The following KRIT1 variants were observed in gnomAD, a reference collection of about 807,000 sequenced individuals.
KRIT1 encodes KRIT1 ankyrin repeat containing, also known as krev interaction trapped protein 1.
In KRIT1, 45 loss-of-function variants were observed where a neutral mutation model predicts 95.8. The ratio of observed to expected loss-of-function variants is 0.47; its 90% CI spans 0.37 to 0.60. The LOEUF (loss-of-function observed/expected upper bound fraction) is 0.60. KRIT1 is among the 20% of genes least tolerant of loss of function. The pLI, the probability that KRIT1 is intolerant of heterozygous loss-of-function variation, is 0.00. For missense variants in KRIT1, 788 were observed against 877.5 expected (o/e 0.90, Z 1.29); for synonymous variants, 282 against 278.8 (o/e 1.01, Z -0.11).
At chr7:92,233,280 G>T (rs928935447) in intron 10 of KRIT1, among the ~76,000 whole-genome samples, 5 of 151,844 alleles carry the variant, frequency 3.3e-5, no homozygotes, top group Admixed American at 1.3e-4. Flanking sequence ...AGAAACTCTA[G>T]AAATGATCTA....
intron 13 of KRIT1, among the ~76,000 whole-genome samples, chr7:92,222,389 ATTCT>A (rs1217798259): frequency 1.3e-5 from 2 of 152,206 alleles, no homozygotes; most frequent in African/African-American, 4.8e-5. Flanking sequence ...CATCGATCAA[ATTCT>A]TTATGTATGT....
At chr7:92,236,882 C>T (rs1798538344) in intron 6 of KRIT1, among the ~76,000 whole-genome samples, 1 of 152,162 alleles carries the variant, frequency 6.6e-6, no homozygotes, top group African/African-American at 2.4e-5. Context: ...AATGCTACAG[C>T]TGGCTAATAA....
intron 14 of KRIT1, among the ~76,000 whole-genome samples, chr7:92,216,845 G>C (rs180979229): frequency 1.2e-3 from 179 of 152,244 alleles, no homozygotes; most frequent in African/African-American, 4.2e-3. Context: ...AATATGAGTA[G>C]ATAATAACAG....
intron 10 of KRIT1, among the ~76,000 whole-genome samples, chr7:92,230,380 T>C (rs183171157): frequency 2.6e-5 from 4 of 152,282 alleles, no homozygotes; most frequent in Non-Finnish European, 4.4e-5. Flanking sequence ...CAATAATACC[T>C]TGCATTTTTA....
intron 14 of KRIT1, 37 bp from the exon 15 acceptor site, chr7:92,214,814 A>G (rs1209820533): frequency 7.1e-7 from 1 of 1,413,334 alleles, no homozygotes; most frequent in Admixed American, 1.7e-5. Flanking sequence ...ATTAGGCTAC[A>G]ATTTCTTTTT....
intron 17 of KRIT1, chr7:92,206,389 G>C (rs145265476): frequency 6.6e-6 from 1 of 152,422 alleles, no homozygotes; most frequent in East Asian, 1.9e-4. Flanking sequence ...TCTACCTGGA[G>C]TCACAGTCCC....
At position 92,221,887 on chromosome 7, in the gene KRIT1, G is replaced by C. The variant is rs1302506950; in HGVS notation, c.1563+15C>G. 2 of 1,609,632 alleles carry C rather than the reference G, an allele frequency of 1.2e-6. No homozygotes were observed. Among genetic ancestry groups the C allele is most frequent in the South Asian group, 1.1e-5 (1 of 90,900 alleles). ...TGTGCATTTAAATAACTGTAAATAA[G>C]ATTTCCAAGCAAACCTGTTTTTCAA... is the stretch of plus-strand genomic sequence containing the variant. On this transcript the variant is annotated intron_variant, in intron 14 of 18. Coordinates refer to ENST00000394505, the MANE Select transcript of KRIT1 (RefSeq NM_194454.3).
At chr7:92,219,688 A>T (rs539531103) in intron 14 of KRIT1, among the ~76,000 whole-genome samples, 1 of 152,346 alleles carries the variant, frequency 6.6e-6, no homozygotes, top group East Asian at 1.9e-4. Flanking sequence ...CTATTGGAAT[A>T]CTGTTAGGGA....
chr7:92,226,908 T>C (rs1796318098), intron 10 of KRIT1, among the ~76,000 whole-genome samples: 1 of 152,214 alleles, frequency 6.6e-6, no homozygotes. Flanking sequence ...CTATTTCTGA[T>C]AAACTGGAAG....
At chr7:92,234,967 CATCTT>C in intron 8 of KRIT1, 44 bp from the exon 9 acceptor site, 1 of 879,600 alleles carries the variant, frequency 1.1e-6, no homozygotes, top group East Asian at 2.4e-5. Context: ...AGAGCTTTGT[CATCTT>C]AATGTTTACA....
intron 17 of KRIT1, among the ~76,000 whole-genome samples, chr7:92,212,610 A>C (rs1403691244): frequency 2.6e-5 from 4 of 152,164 alleles, no homozygotes; most frequent in African/African-American, 9.7e-5. Context: ...AACCCAGAAA[A>C]ACGCTCTCAC....
chr7:92,235,022 A>G (rs888818119), intron 8 of KRIT1, 99 bp from the exon 9 acceptor site: 2 of 704,278 alleles, frequency 2.8e-6, no homozygotes, highest in East Asian at 2.8e-5. Flanking sequence ...TTTATTGAGA[A>G]TGAGTCTTGC....
intron 15 of KRIT1, 77 bp from the exon 16 acceptor site, chr7:92,214,056 T>C (rs1793437855): frequency 2.2e-6 from 2 of 889,494 alleles, no homozygotes; most frequent in East Asian, 2.4e-5. Context: ...CTGTTACAAA[T>C]GGCTTTCAGT....
intron 17 of KRIT1, among the ~76,000 whole-genome samples, chr7:92,211,021 A>G (rs1385625123): frequency 6.6e-6 from 1 of 152,252 alleles, no homozygotes; most frequent in East Asian, 1.9e-4. Context: ...TCAAAATGAC[A>G]AAAACATAAC....
chr7:92,237,869 T>C, intron 5 of KRIT1, 110 bp from the exon 6 acceptor site: 1 of 660,678 alleles, frequency 1.5e-6, no homozygotes, highest in African/African-American at 1.8e-5. Flanking sequence ...TAAGAGGAAC[T>C]GAAATATACT....
At chr7:92,234,614 T>C (rs1420440320) in intron 9 of KRIT1, 22 bp from the exon 10 acceptor site, 1 of 1,602,530 alleles carries the variant, frequency 6.2e-7, no homozygotes, top group Non-Finnish European at 8.6e-7. Flanking sequence ...AAAGAAATTT[T>C]GAAAAATACA....
At chr7:92,245,647 CT>C in intron 1 of KRIT1, 142 bp downstream of exon 1, 1 of 152,614 alleles carries the variant, frequency 6.6e-6, no homozygotes, top group Non-Finnish European at 1.5e-5. Flanking sequence ...TCCTTCCCTC[CT>C]CCCAGGCACA....
At chr7:92,235,874 A>G in intron 7 of KRIT1, 1 of 417,110 alleles carries the variant, frequency 2.4e-6, no homozygotes, top group East Asian at 4.8e-5. Flanking sequence ...TTAGGGGCAC[A>G]TGTGATAATA....
chr7:92,238,485 T>C (rs1437886545), intron 5 of KRIT1, among the ~76,000 whole-genome samples: 1 of 152,188 alleles, frequency 6.6e-6, no homozygotes, highest in African/African-American at 2.4e-5. Context: ...ATTCACAAAA[T>C]ATCAGAGCCA....
Sources: allele counts gnomAD v4.1 joint callset (sites outside exome capture counted in the v4.1 genomes callset), GRCh38; gene constraint gnomAD v4.1.1; transcripts MANE v1.5; gene names NCBI Gene and HGNC (gene_info 2026-07-23, HGNC 2026-07-21).